Variants in IL27RA observed in about 807,000 individuals in gnomAD.
IL27RA encodes the protein interleukin 27 receptor subunit alpha.
IL27RA carries 61 observed loss-of-function variants against 80.8 expected under a neutral mutation model. The observed-to-expected ratio is 0.76, with a 90% confidence interval of 0.61 to 0.93. The LOEUF is 0.93. Among genes scored for constraint, IL27RA ranks in the 40% least tolerant of loss-of-function variants. The probability of loss-of-function intolerance (pLI) is 0.00; values close to 1 mark genes in which losing one functional copy is unlikely to be tolerated. For synonymous variants in IL27RA, 316 were observed against 332.5 expected (o/e 0.95, Z 0.54); for missense variants, 735 against 808.1 (o/e 0.91, Z 1.10).
intron 12 of IL27RA, 32 bp downstream of exon 12, chr19:14,051,732 A>G: frequency 6.5e-7 from 1 of 1,532,390 alleles, no homozygotes; most frequent in Non-Finnish European, 9.0e-7. Flanking sequence ...ATCTCTACCC[A>G]CGTGGGGAAG....
intron 6 of IL27RA, 96 bp from the exon 7 acceptor site, chr19:14,046,058 T>G: frequency 8.5e-7 from 1 of 1,176,576 alleles, no homozygotes; most frequent in Non-Finnish European, 1.2e-6. Flanking sequence ...CAAAAAATGC[T>G]TCACTGACCG....
In IL27RA at chr19:14,052,396, C is replaced by G. The variant is rs575649935; in HGVS notation, c.*106C>G. 2.1e-6 allele frequency: 2 copies of G among 940,722 alleles called. No homozygotes were observed. Among genetic ancestry groups the G allele is most frequent in the East Asian group, 5.8e-5 (2 of 34,484 alleles). The allele number at this position is 940,722 out of a possible 1,614,324, so 58.3% of individuals were successfully genotyped here. On this transcript the variant is annotated 3_prime_UTR_variant, in exon 14 of 14. Coordinates refer to ENST00000263379, the MANE Select transcript of IL27RA (RefSeq NM_004843.4). ...TTGATGGATGAAGACACTGAGGACT[C>G]AGAGAGGCTGAGTCACTTACCTGAG... is the stretch of plus-strand genomic sequence containing the variant.
In IL27RA at chr19:14,031,784, C is replaced by T; in HGVS notation, c.-89C>T. On this transcript the variant is annotated 5_prime_UTR_variant, in exon 1 of 14. Coordinates refer to ENST00000263379, the MANE Select transcript of IL27RA (RefSeq NM_004843.4). ...GTGGTTCGGCTTCCCGTTGCCGCCT[C>T]GGGCGCTGTACCCAGAGCTCGAAGA... 8.9e-7 allele frequency: 1 copy of T among 1,126,760 alleles called. No homozygotes were observed. Among genetic ancestry groups the T allele is most frequent in the Non-Finnish European group, 1.2e-6 (1 of 809,056 alleles). 69.8% of individuals were successfully genotyped at this position (1,126,760 alleles called of 1,614,324 possible).
At chr19:14,045,631 G>C (rs1976053907) in intron 6 of IL27RA, among the ~76,000 whole-genome samples, 1 of 151,240 alleles carries the variant, frequency 6.6e-6, no homozygotes, top group Admixed American at 6.6e-5. Flanking sequence ...TATTTTGTTT[G>C]TCATGGGTTT....
At chr19:14,050,933 T>C (rs10404803) in intron 11 of IL27RA, 50 bp downstream of exon 11, 93 of 1,557,626 alleles carry the variant, frequency 6.0e-5, no homozygotes, top group Middle Eastern at 4.2e-4. Context: ...TACTCCACAG[T>C]GGGGAGAGGT....
intron 4 of IL27RA, 63 bp from the exon 5 acceptor site, chr19:14,042,390 G>A: frequency 2.7e-6 from 4 of 1,474,320 alleles, no homozygotes; most frequent in South Asian, 1.2e-5. Context: ...AAAAAAAAAA[G>A]ATAAGTTCAA....
intron 6 of IL27RA, among the ~76,000 whole-genome samples, chr19:14,044,491 G>C (rs1007902195): frequency 3.3e-5 from 5 of 151,832 alleles, no homozygotes; most frequent in African/African-American, 1.2e-4. Context: ...CTGCCCACTC[G>C]GCCTCCCAAA....
At chr19:14,041,088 A>T (rs1027238654) in intron 4 of IL27RA, among the ~76,000 whole-genome samples, 4 of 151,460 alleles carry the variant, frequency 2.6e-5, no homozygotes, top group Admixed American at 1.3e-4. Flanking sequence ...TTTTCAGTAG[A>T]GACGGGGTTT....
chr19:14,046,586 T>G lies in IL27RA; in HGVS notation c.1109T>G (p.Leu370Arg), dbSNP rs187784783. 6.2e-7 allele frequency: 1 copy of G among 1,611,832 alleles called. No individual in the cohort carries two copies. Among genetic ancestry groups the G allele is most frequent in the East Asian group, 2.2e-5 (1 of 44,872 alleles). Residue 370 changes from leucine to arginine, a missense_variant, in exon 8 of 14, where the codon CTT (leucine) becomes CGT (arginine). Transcript: ENST00000263379. ...CTGGAGAAACTCAACTGGGTCCGGC[T>G]TCCCCCTGGGAACCTCAGTGCTCTG... ...DPLEKLNWVR[L>R]PPGNLSALLP... is the part of the protein sequence containing the mutation.
intron 2 of IL27RA, among the ~76,000 whole-genome samples, chr19:14,038,566 C>G (rs1975938934): frequency 2.0e-5 from 2 of 99,058 alleles, no homozygotes; most frequent in African/African-American, 1.0e-4. Context: ...GGTCGTGTCT[C>G]TAAAAAAAAA....
In IL27RA at chr19:14,046,505, C is replaced by G. The variant is rs746068714; in HGVS notation, c.1028C>G (p.Pro343Arg). 1.2e-6 allele frequency: 2 copies of G among 1,614,108 alleles called. No individual in the cohort carries two copies. The highest frequency in any genetic ancestry group is 2.2e-5 in the South Asian group (2 of 91,080). ...ACGGAGCTACTGGTGACCTGGCAAC[C>G]GGGGCCTGGGGAACCACTGGAGCAT... ...GSTELLVTWQ[P>R]GPGEPLEHVV... Residue 343 changes from proline to arginine, a missense_variant, in exon 8 of 14, where the codon CCG (proline) becomes CGG (arginine). Pro to Arg is a moderately radical substitution (Grantham distance 103). Transcript: ENST00000263379.
At chr19:14,035,498 C>T (rs1599296590) in intron 2 of IL27RA, among the ~76,000 whole-genome samples, 1 of 152,164 alleles carries the variant, frequency 6.6e-6, no homozygotes, top group East Asian at 1.9e-4. Context: ...CGGGTTCCAG[C>T]AATTCTCCTG....
chr19:14,052,370 C>A lies in IL27RA; in HGVS notation c.*80C>A. The stretch of plus-strand genomic sequence containing the variant: ...TGCACCCCAGTCCTGGATTAGCCCT[C>A]TTGATGGATGAAGACACTGAGGACT... On this transcript the variant is annotated 3_prime_UTR_variant, in exon 14 of 14. Transcript: ENST00000263379. 2 of 1,150,142 alleles carry A rather than the reference C, an allele frequency of 1.7e-6. No individual in the cohort carries two copies. Among genetic ancestry groups the A allele is most frequent in the Non-Finnish European group, 2.4e-6 (2 of 842,436 alleles). 71.2% of individuals were successfully genotyped at this position (1,150,142 alleles called of 1,614,324 possible).
rs778985774 is a variant in IL27RA, at chr19:14,031,848, G to A, written c.-25G>A. ...CGCGCGGACCCGGCAAGGCTGGGCCGGACTCGGGGCTCCCGAGGGACGCCA... is the reference window on the plus strand; with the variant it reads ...CGCGCGGACCCGGCAAGGCTGGGCCAGACTCGGGGCTCCCGAGGGACGCCA... On this transcript the variant is annotated 5_prime_UTR_variant, in exon 1 of 14. Transcript: ENST00000263379. 3.2e-6 allele frequency: 5 copies of A among 1,566,848 alleles called. No individual in the cohort carries two copies. The highest frequency in any genetic ancestry group is 4.0e-4 in the Middle Eastern group (2 of 5,036).
chr19:14,052,497 T>C lies in IL27RA; in HGVS notation c.*207T>C. ...TTGGCCCCCATGGGGAAGACACGGA[T>C]GGAAGGTGGAGCAAAGGAAAATACA... On this transcript the variant is annotated 3_prime_UTR_variant, in exon 14 of 14. Coordinates refer to ENST00000263379, the MANE Select transcript of IL27RA (RefSeq NM_004843.4). The C allele has an allele frequency of 2.2e-6, 1 of 444,774 alleles. No homozygotes were observed. Among genetic ancestry groups the C allele is most frequent in the Non-Finnish European group, 3.9e-6 (1 of 254,498 alleles). 27.6% of individuals were successfully genotyped at this position (444,774 alleles called of 1,614,324 possible). A position where few individuals can be genotyped will look rare whatever the true frequency, so the allele number is the denominator to read the frequency against.
chr19:14,040,372 A>AT (rs1230755708), intron 4 of IL27RA, among the ~76,000 whole-genome samples: 21 of 145,794 alleles, frequency 1.4e-4, no homozygotes, highest in East Asian at 4.4e-4. Context: ...AAAAAAAAAA[A>AT]ATTTTTTTTC....
At chr19:14,039,699 G>A (rs1019697719) in intron 3 of IL27RA, 34 bp downstream of exon 3, 2 of 1,610,694 alleles carry the variant, frequency 1.2e-6, no homozygotes, top group Non-Finnish European at 1.7e-6. Flanking sequence ...CTCTATGCGG[G>A]GTGGGTGCTC....
rs1976062389 is a variant in IL27RA at position 14,046,212 on chromosome 19, A to C, written c.827A>C (p.Glu276Ala). 23 of 1,614,164 alleles carry C rather than the reference A, an allele frequency of 1.4e-5. No homozygotes were observed. Among genetic ancestry groups the C allele is most frequent in the Non-Finnish European group, 1.9e-5 (23 of 1,180,030 alleles). Reference sequence around the variant, plus strand: ...GTCTGGTTCTGGGTTGGAGGTCGTGAGCTGAGTCCAGAAGGAATTACCTGC... The same window carrying C: ...GTCTGGTTCTGGGTTGGAGGTCGTGCGCTGAGTCCAGAAGGAATTACCTGC... The part of the protein sequence containing the change: ...YKVWFWVGGR[E>A]LSPEGITCCC... Residue 276 changes from glutamate (E) to alanine (A), a missense_variant, in exon 7 of 14, where the codon GAG (glutamate) becomes GCG (alanine). Physicochemically the swap from Glu to Ala is moderately radical, Grantham distance 107. Transcript: ENST00000263379.
intron 4 of IL27RA, among the ~76,000 whole-genome samples, chr19:14,041,770 TGATA>T (rs1975992483): frequency 6.6e-6 from 1 of 152,194 alleles, no homozygotes; most frequent in Non-Finnish European, 1.5e-5. Flanking sequence ...CTCACTCTGC[TGATA>T]GATAAGTTCA....
Sources: allele counts gnomAD v4.1 joint callset (sites outside exome capture counted in the v4.1 genomes callset), GRCh38; gene constraint gnomAD v4.1.1; transcripts MANE v1.5; gene names NCBI Gene and HGNC (gene_info 2026-07-23, HGNC 2026-07-21).